AK8: variants seen among roughly 807,000 people sequenced by gnomAD.
The protein encoded by AK8 is adenylate kinase 8, also known as ATP-AMP transphosphorylase 8.
In AK8, 44 loss-of-function variants were observed where a neutral mutation model predicts 54.6. The ratio of observed to expected loss-of-function variants is 0.81; its 90% CI spans 0.63 to 1.04. AK8 has a LOEUF of 1.04. AK8 is among the 50% of genes least tolerant of loss of function. The pLI is 0.00. For synonymous variants in AK8, 239 were observed against 245.6 expected (o/e 0.97, Z 0.25); for missense variants, 555 against 613.6 (o/e 0.90, Z 1.01).
At chr9:132,793,067 C>T (rs201994729) in intron 10 of AK8, among the ~76,000 whole-genome samples, 13,073 of 118,772 alleles carry the variant, frequency 0.11, 949 homozygotes, top group East Asian at 0.44. Context: ...GCAGATTGTC[C>T]CCCTGTCTTA....
upstream of AK8, chr9:132,878,496 AC>A: frequency 1.7e-6 from 2 of 1,204,612 alleles, no homozygotes; most frequent in Non-Finnish European, 2.1e-6. The surrounding 1 kb of genome is among the most constrained non-coding windows in gnomAD (Gnocchi z 4.7). Flanking sequence ...AGCGGGGGAC[AC>A]CCTCAGGTGG....
At chr9:132,869,175 G>A (rs933016255) in intron 2 of AK8, among the ~76,000 whole-genome samples, 13 of 152,270 alleles carry the variant, frequency 8.5e-5, no homozygotes, top group Admixed American at 3.3e-4. Context: ...GCAAGACTTC[G>A]TCTCAAAATA....
At chr9:132,737,605 A>G (rs1180792039) in intron 11 of AK8, among the ~76,000 whole-genome samples, 1 of 152,236 alleles carries the variant, frequency 6.6e-6, no homozygotes, top group Non-Finnish European at 1.5e-5. Context: ...AATTGACTGT[A>G]TCATTAGAAG....
In AK8 at chr9:132,855,846, C is replaced by T. The variant is rs556684264; in HGVS notation, c.334-921G>A. On this transcript the variant is annotated intron_variant, in intron 4 of 12. Transcript: ENST00000298545. ...CCAAAGAGGAATCCCAAAGAGGAGT[C>T]GCCCTCTTGCCCCCTTCTGCCTGTA... Among the ~76,000 whole-genome samples, 53 of 152,264 alleles carry T rather than the reference C, an allele frequency of 3.5e-4. 1 individual carries two copies. The highest frequency in any genetic ancestry group is 3.4e-3 in the Middle Eastern group (1 of 294).
At chr9:132,853,565 G>T (rs1843053781) in intron 5 of AK8, among the ~76,000 whole-genome samples, 1 of 151,798 alleles carries the variant, frequency 6.6e-6, no homozygotes, top group African/African-American at 2.4e-5. Context: ...GGAGGCCAAG[G>T]CAGGAGGACT....
chr9:132,732,343 T>G (rs181176466), intron 11 of AK8, among the ~76,000 whole-genome samples: 1 of 152,152 alleles, frequency 6.6e-6, no homozygotes, highest in Non-Finnish European at 1.5e-5. Flanking sequence ...GTATCTTCTA[T>G]GGCATTCAGG....
chr9:132,859,853 G>A (rs1843316951), intron 4 of AK8, among the ~76,000 whole-genome samples: 1 of 152,190 alleles, frequency 6.6e-6, no homozygotes, highest in Non-Finnish European at 1.5e-5. Flanking sequence ...TCCAGGGGCA[G>A]CGTTTCAGGG....
At chr9:132,741,085 TG>T (rs1027204087) in intron 11 of AK8, among the ~76,000 whole-genome samples, 2 of 152,138 alleles carry the variant, frequency 1.3e-5, no homozygotes, top group Non-Finnish European at 2.9e-5. Flanking sequence ...GGGGGCACCC[TG>T]GGCAAGCTGA....
chr9:132,876,813 T>G (rs1457493361), intron 1 of AK8, among the ~76,000 whole-genome samples: 1 of 152,098 alleles, frequency 6.6e-6, no homozygotes, highest in African/African-American at 2.4e-5. Context: ...AAAGCTTTCT[T>G]GTTGGGAGGC....
At chr9:132,742,612 G>C (rs1230348920) in intron 11 of AK8, among the ~76,000 whole-genome samples, 1 of 152,208 alleles carries the variant, frequency 6.6e-6, no homozygotes, top group Non-Finnish European at 1.5e-5. Context: ...CCAGGTCTGC[G>C]TCATGATCCA....
At chr9:132,857,904 G>C (rs1843239777) in intron 4 of AK8, among the ~76,000 whole-genome samples, 1 of 152,222 alleles carries the variant, frequency 6.6e-6, no homozygotes, top group Non-Finnish European at 1.5e-5. Flanking sequence ...CAGCAGCAGG[G>C]CTTTCAGAGG....
chr9:132,738,797 C>G (rs926810123), intron 11 of AK8, among the ~76,000 whole-genome samples: 9 of 151,294 alleles, frequency 5.9e-5, no homozygotes, highest in East Asian at 3.9e-4. Context: ...TCTGCCCCCC[C>G]AGGCTGGAGT....
intron 2 of AK8, among the ~76,000 whole-genome samples, chr9:132,869,290 C>G (rs1843714349): frequency 6.6e-6 from 1 of 152,246 alleles, no homozygotes; most frequent in African/African-American, 2.4e-5. Flanking sequence ...GGCTACCCCA[C>G]AGGAACAACA....
chr9:132,779,380 G>A (rs1839365331), intron 11 of AK8, among the ~76,000 whole-genome samples: 1 of 152,210 alleles, frequency 6.6e-6, no homozygotes, highest in South Asian at 2.1e-4. Flanking sequence ...GGAGTGCAGG[G>A]GCACGATCAT....
chr9:132,804,833 A>C (rs1000055535), intron 10 of AK8, among the ~76,000 whole-genome samples: 7 of 152,054 alleles, frequency 4.6e-5, no homozygotes, highest in Non-Finnish European at 7.4e-5. Flanking sequence ...CTCCCTGATC[A>C]TAAGTGTAGA....
chr9:132,800,869 A>G (rs1840415132), intron 10 of AK8, among the ~76,000 whole-genome samples: 1 of 151,492 alleles, frequency 6.6e-6, no homozygotes, highest in African/African-American at 2.4e-5. Flanking sequence ...CGGCATTGAC[A>G]CAGCTACCTG....
At chr9:132,859,028 T>G (rs1461247708) in intron 4 of AK8, among the ~76,000 whole-genome samples, 5 of 152,106 alleles carry the variant, frequency 3.3e-5, no homozygotes, top group Non-Finnish European at 5.9e-5. Context: ...TGCCTGGAGC[T>G]GTTGACTCAG....
chr9:132,741,333 C>A (rs899561578), intron 11 of AK8, among the ~76,000 whole-genome samples: 1 of 152,242 alleles, frequency 6.6e-6, no homozygotes, highest in African/African-American at 2.4e-5. Flanking sequence ...TGGAAACCCA[C>A]CATCTTCACT....
chr9:132,733,585 G>A (rs529469975), intron 11 of AK8, among the ~76,000 whole-genome samples: 2 of 152,362 alleles, frequency 1.3e-5, no homozygotes, highest in East Asian at 3.9e-4. Context: ...GCACGCTGCT[G>A]GGGACAGCCT....
Sources: gnomAD v4.1 joint callset for allele counts (sites outside exome capture counted in the v4.1 genomes callset) on GRCh38, gnomAD v4.1.1 for gene constraint, Gnocchi (gnomAD v3.1) non-coding constraint, MANE v1.5 for transcripts, NCBI Gene and HGNC (gene_info 2026-07-23, HGNC 2026-07-21) for gene names.